CSMD1: variants seen among roughly 807,000 people sequenced by gnomAD.
The protein encoded by CSMD1 is CUB and Sushi multiple domains 1, also known as CUB and sushi domain-containing protein 1.
A neutral mutation model predicts 417.5 loss-of-function variants in CSMD1; 213 were observed. The ratio of observed to expected loss-of-function variants is 0.51; its 90% CI spans 0.46 to 0.57. CSMD1 has a LOEUF of 0.57. CSMD1 is among the 20% of genes least tolerant of loss of function. The probability of loss-of-function intolerance (pLI) is 0.00; values close to 1 mark genes in which losing one functional copy is unlikely to be tolerated. For synonymous variants in CSMD1, 2,862 were observed against 1,736.8 expected (o/e 1.65, Z -16.11); for missense variants, 6,923 against 4,529.7 (o/e 1.53, Z -15.17).
intron 21 of CSMD1, among the ~76,000 whole-genome samples, chr8:3,349,537 C>T (rs982856203): frequency 4.3e-4 from 65 of 151,824 alleles, no homozygotes; most frequent in Admixed American, 3.9e-3. Context: ...ATGTGGCTCT[C>T]GGGGTGCAAG....
intron 2 of CSMD1, among the ~76,000 whole-genome samples, chr8:4,517,714 T>G (rs1394091653): frequency 6.6e-6 from 1 of 152,238 alleles, no homozygotes; most frequent in Non-Finnish European, 1.5e-5. Flanking sequence ...ATACTTAGTT[T>G]TAAATAACTC....
At chr8:4,362,161 T>G (rs1346588245) in intron 3 of CSMD1, among the ~76,000 whole-genome samples, 1 of 152,174 alleles carries the variant, frequency 6.6e-6, no homozygotes, top group East Asian at 1.9e-4. Flanking sequence ...TAATTCAATT[T>G]ACATGAGTAC....
chr8:4,129,306 C>A (rs1802953131), intron 3 of CSMD1, among the ~76,000 whole-genome samples: 2 of 152,020 alleles, frequency 1.3e-5, no homozygotes, highest in South Asian at 4.1e-4. Flanking sequence ...TTATCTTCTC[C>A]CTCTTTTCAT....
intron 3 of CSMD1, among the ~76,000 whole-genome samples, chr8:4,273,638 A>T (rs114583309): frequency 8.5e-5 from 13 of 152,298 alleles, no homozygotes; most frequent in Admixed American, 3.9e-4. Context: ...TTTATCTAGA[A>T]ACTCTAATAG....
chr8:4,527,212 T>G (rs1368929263), intron 2 of CSMD1, among the ~76,000 whole-genome samples: 1 of 152,202 alleles, frequency 6.6e-6, no homozygotes, highest in Non-Finnish European at 1.5e-5. Context: ...TTAGTTGTTT[T>G]GGCCAGTTGG....
At chr8:4,940,362 A>G (rs1037273977) in intron 1 of CSMD1, among the ~76,000 whole-genome samples, 1 of 152,238 alleles carries the variant, frequency 6.6e-6, no homozygotes. Flanking sequence ...AAAATATGCA[A>G]ATTGAGTGGA....
chr8:3,802,838 T>C (rs1800531784), intron 5 of CSMD1, among the ~76,000 whole-genome samples: 1 of 152,198 alleles, frequency 6.6e-6, no homozygotes, highest in South Asian at 2.1e-4. Flanking sequence ...TGAAGGGCAC[T>C]TTTAAGCATC....
At chr8:4,275,684 C>T (rs1003925869) in intron 3 of CSMD1, among the ~76,000 whole-genome samples, 1 of 152,112 alleles carries the variant, frequency 6.6e-6, no homozygotes, top group East Asian at 1.9e-4. Context: ...TTTTGCAAAG[C>T]TTGTTTTAGT....
intron 3 of CSMD1, among the ~76,000 whole-genome samples, chr8:4,277,677 C>A (rs564977306): frequency 6.6e-6 from 1 of 152,266 alleles, no homozygotes; most frequent in South Asian, 2.1e-4. Flanking sequence ...GATTTAAACA[C>A]AAGCGACAGA....
In CSMD1 at chr8:4,547,072, C is replaced by A. The variant is rs80339887; in HGVS notation, c.302+90270G>T. 1.1e-3 allele frequency among the ~76,000 whole-genome samples: 165 copies of A among 152,270 alleles called. 1 individual carries two copies. The highest frequency in any genetic ancestry group is 3.9e-3 in the African/African-American group (163 of 41,568). On this transcript the variant is annotated intron_variant, in intron 2 of 69. Transcript: ENST00000635120. ...ACATCCAACTACCTTTTGGACTTGT[C>A]TATTTGTATATTTCATAGTCACCTA...
In CSMD1 at chr8:3,967,803, G is replaced by C. The variant is rs558712878; in HGVS notation, c.818+30100C>G. On this transcript the variant is annotated intron_variant, in intron 5 of 69. Coordinates refer to ENST00000635120, the MANE Select transcript of CSMD1 (RefSeq NM_033225.6). ...CTACCTTAATCTACATATCCAATTT[G>C]CTTGAGAATATACGCTTATAGATAA... 5.3e-5 allele frequency among the ~76,000 whole-genome samples: 8 copies of C among 152,112 alleles called. No individual in the cohort carries two copies. In the South Asian group the frequency reaches 1.7e-3, roughly 32 times the overall value.
chr8:4,133,927 A>C (rs987871867), intron 3 of CSMD1, among the ~76,000 whole-genome samples: 4 of 152,222 alleles, frequency 2.6e-5, no homozygotes, highest in Non-Finnish European at 5.9e-5. Flanking sequence ...ACAGAATAAA[A>C]TCTTGATGTT....
At chr8:4,148,466 T>C (rs1796395975) in intron 3 of CSMD1, among the ~76,000 whole-genome samples, 1 of 151,902 alleles carries the variant, frequency 6.6e-6, no homozygotes, top group African/African-American at 2.4e-5. Flanking sequence ...CATGTATACA[T>C]ATGTAACGAA....
chr8:4,398,205 G>A (rs1804390653), intron 3 of CSMD1, among the ~76,000 whole-genome samples: 1 of 152,176 alleles, frequency 6.6e-6, no homozygotes, highest in Admixed American at 6.5e-5. Context: ...GAATGTAGAA[G>A]GATGATCTGT....
intron 5 of CSMD1, among the ~76,000 whole-genome samples, chr8:3,772,229 A>T (rs1370607587): frequency 6.9e-6 from 1 of 145,914 alleles, no homozygotes; most frequent in South Asian, 2.1e-4. Flanking sequence ...TAATACACAC[A>T]CATATTTATA....
At chr8:4,385,895 T>G (rs188741372) in intron 3 of CSMD1, among the ~76,000 whole-genome samples, 95 of 152,358 alleles carry the variant, frequency 6.2e-4, no homozygotes, top group African/African-American at 2.2e-3. Context: ...CAGAATTTTC[T>G]CAGAACCAGT....
Position 4,288,987 on chromosome 8 carries a change from T to C in CSMD1, c.415+130966A>G, listed in dbSNP as rs1797212948. Among the ~76,000 whole-genome samples, 4 of 152,272 alleles carry C rather than the reference T, an allele frequency of 2.6e-5. 1 individual carries two copies. In the South Asian group the frequency reaches 6.2e-4, roughly 24 times the overall value. The stretch of plus-strand genomic sequence containing the variant: ...AATGGTGATACGTGCATAAAAATAA[T>C]TTAAAAACACAGCACCATCTTTCAA... On this transcript the variant is annotated intron_variant, in intron 3 of 69. Coordinates refer to ENST00000635120, the MANE Select transcript of CSMD1 (RefSeq NM_033225.6).
chr8:4,145,134 G>C (rs1460088168), intron 3 of CSMD1, among the ~76,000 whole-genome samples: 1 of 151,120 alleles, frequency 6.6e-6, no homozygotes, highest in African/African-American at 2.5e-5. Context: ...AGATATAATA[G>C]TTTAGACACA....
chr8:4,800,486 G>C (rs1212849689), intron 1 of CSMD1, among the ~76,000 whole-genome samples: 5 of 151,890 alleles, frequency 3.3e-5, no homozygotes, highest in Non-Finnish European at 5.9e-5. Flanking sequence ...CTTTGTCTTA[G>C]GTTTAATTCC....
Sources: gnomAD v4.1 joint callset for allele counts (sites outside exome capture counted in the v4.1 genomes callset) on GRCh38, gnomAD v4.1.1 for gene constraint, MANE v1.5 for transcripts, NCBI Gene and HGNC (gene_info 2026-07-23, HGNC 2026-07-21) for gene names.